SCUBE1: variants seen among roughly 807,000 people sequenced by gnomAD.
SCUBE1 encodes signal peptide, CUB and EGF-like domain-containing protein 1.
A neutral mutation model predicts 124.4 loss-of-function variants in SCUBE1; 59 were observed. The observed-to-expected ratio is 0.47, with a 90% CI of 0.38 to 0.59. The LOEUF (loss-of-function observed/expected upper bound fraction) is 0.59, where lower values mean the gene tolerates loss of function less well. Ranked by LOEUF, SCUBE1 falls within the 20% of genes least tolerant of loss-of-function variation. The pLI is 0.00. For synonymous variants in SCUBE1, 545 were observed against 550.9 expected, an observed-to-expected ratio of 0.99 and a Z score of 0.15; for missense variants, 1,150 against 1,371.2, an observed-to-expected ratio of 0.84 and a Z score of 2.55.
intron 4 of SCUBE1, chr22:43,283,322 A>G (rs146077340): frequency 6.6e-6 from 1 of 152,312 alleles, no homozygotes; most frequent in Non-Finnish European, 1.5e-5. Flanking sequence ...TCCTGCCACT[A>G]TTGGACACAC....
At chr22:43,212,039 C>T (rs892881296) in intron 17 of SCUBE1, among the ~76,000 whole-genome samples, 3 of 152,076 alleles carry the variant, frequency 2.0e-5, no homozygotes, top group African/African-American at 7.3e-5. Context: ...TGGGTGGGAC[C>T]AGATGCCCTG....
intron 9 of SCUBE1, 32 bp downstream of exon 9, chr22:43,229,040 G>A: frequency 6.6e-7 from 1 of 1,513,942 alleles, no homozygotes; most frequent in Non-Finnish European, 9.1e-7. Flanking sequence ...GTGCCTCGGG[G>A]GGGAGGTGGC....
chr22:43,269,354 C>T (rs1200305664), intron 4 of SCUBE1, among the ~76,000 whole-genome samples: 2 of 152,142 alleles, frequency 1.3e-5, no homozygotes, highest in African/African-American at 4.8e-5. Context: ...TGCCTGGCCC[C>T]GAGCCAGTGC....
chr22:43,261,910 G>A (rs1020244361), intron 5 of SCUBE1, among the ~76,000 whole-genome samples: 6 of 152,166 alleles, frequency 3.9e-5, no homozygotes, highest in Admixed American at 3.9e-4. Flanking sequence ...TCTCCCCCAC[G>A]TAGCTGTGGG....
chr22:43,268,999 C>T (rs1924185099), intron 4 of SCUBE1, among the ~76,000 whole-genome samples: 2 of 152,152 alleles, frequency 1.3e-5, no homozygotes. Context: ...TTAAGAGCTG[C>T]TTCTGAGTTT....
rs899035315 is a variant in SCUBE1 at position 43,310,091 on chromosome 22, C to T, written c.349+9846G>A. On this transcript the variant is annotated intron_variant, in intron 3 of 21. Coordinates refer to ENST00000360835, the MANE Select transcript of SCUBE1 (RefSeq NM_173050.5). ...CAGAATAAAATCCAAACCCCTTTCTCGAGACGATATGACCCTGCCTGACCC... is the reference window on the plus strand; with the variant it reads ...CAGAATAAAATCCAAACCCCTTTCTTGAGACGATATGACCCTGCCTGACCC... Among the ~76,000 whole-genome samples, 4 of 152,142 alleles carry T rather than the reference C, an allele frequency of 2.6e-5. No homozygotes were observed. The South Asian group carries it at 6.2e-4, about 24-fold the overall frequency.
chr22:43,283,440 G>A (rs1399308204), intron 4 of SCUBE1: 2 of 152,166 alleles, frequency 1.3e-5, no homozygotes, highest in African/African-American at 4.8e-5. Context: ...TCCATCTGAG[G>A]GTTCGAGGGG....
At chr22:43,214,046 C>CGGGGGGGGGGGGGGG in intron 16 of SCUBE1, 44 bp downstream of exon 16, 14 of 422,698 alleles carry the variant, frequency 3.3e-5, no homozygotes, top group Non-Finnish European at 5.8e-5. Context: ...GAGGAGCCCC[C>CGGGGGGGGGGGGGGG]GCCCACCCCC....
At chr22:43,273,328 C>T (rs73886551) in intron 4 of SCUBE1, among the ~76,000 whole-genome samples, 3,132 of 152,208 alleles carry the variant, frequency 0.021, 35 homozygotes, top group African/African-American at 0.039. Flanking sequence ...GTCCTGGCAC[C>T]GGGAACCCCT....
At chr22:43,212,376 C>A in intron 17 of SCUBE1, 49 bp downstream of exon 17, 1 of 1,535,674 alleles carries the variant, frequency 6.5e-7, no homozygotes, top group South Asian at 1.2e-5. Context: ...CGGAGCAGTG[C>A]AGCCCTGCCT....
chr22:43,265,415 C>T (rs755934810), intron 4 of SCUBE1, among the ~76,000 whole-genome samples: 1 of 152,224 alleles, frequency 6.6e-6, no homozygotes, highest in Non-Finnish European at 1.5e-5. Flanking sequence ...TATCTGTAGT[C>T]AGCTGGTCTC....
intron 13 of SCUBE1, 69 bp downstream of exon 13, chr22:43,221,104 C>T: frequency 7.8e-7 from 1 of 1,283,830 alleles, no homozygotes; most frequent in Non-Finnish European, 1.1e-6. Context: ...CCTGGGGCCC[C>T]AGCTCCCAGG....
At chr22:43,217,860 C>T (rs906665962) in intron 15 of SCUBE1, among the ~76,000 whole-genome samples, 1 of 152,302 alleles carries the variant, frequency 6.6e-6, no homozygotes, top group African/African-American at 2.4e-5. Flanking sequence ...CTCTGTCCCC[C>T]GACCCTGACT....
In SCUBE1 at chr22:43,272,136, G is replaced by T. The variant is rs190415721; in HGVS notation, c.485-9291C>A. Among the ~76,000 whole-genome samples the T allele has an allele frequency of 3.9e-5, 6 of 152,236 alleles. No homozygotes were observed. The East Asian group carries it at 9.7e-4, about 24-fold the overall frequency. On this transcript the variant is annotated intron_variant, in intron 4 of 21. Transcript: ENST00000360835. ...TCAAGGGAACTCTGCTCCTCTCGTC[G>T]TCCTTCTCACTGCCCCCTCTGCTTT...
chr22:43,207,977 C>T, intron 20 of SCUBE1, 95 bp downstream of exon 20: 2 of 1,406,590 alleles, frequency 1.4e-6, no homozygotes, highest in South Asian at 2.4e-5. Context: ...TGCCAGGTCG[C>T]AGCTCCCTGA....
At chr22:43,242,342 G>A (rs1001682426) in intron 6 of SCUBE1, among the ~76,000 whole-genome samples, 1 of 152,192 alleles carries the variant, frequency 6.6e-6, no homozygotes, top group Non-Finnish European at 1.5e-5. Context: ...AGGACCAGAG[G>A]CCACCCAGAC....
chr22:43,232,998 C>T (rs1375677249), intron 7 of SCUBE1, among the ~76,000 whole-genome samples: 1 of 152,254 alleles, frequency 6.6e-6, no homozygotes, highest in African/African-American at 2.4e-5. Context: ...TGGCCACCCC[C>T]TCCAGACTCT....
chr22:43,228,912 T>C (rs1408578522), intron 9 of SCUBE1, among the ~76,000 whole-genome samples, 160 bp downstream of exon 9: 1 of 152,242 alleles, frequency 6.6e-6, no homozygotes, highest in Non-Finnish European at 1.5e-5. Context: ...GCCTCACTTG[T>C]CCTTGGCTGA....
intron 19 of SCUBE1, among the ~76,000 whole-genome samples, chr22:43,209,164 C>T (rs1028102412): frequency 6.6e-6 from 1 of 152,202 alleles, no homozygotes; most frequent in African/African-American, 2.4e-5. Context: ...CCCAGGATAA[C>T]GCAACTCTGG....
Sources: gnomAD v4.1 joint callset for allele counts (sites outside exome capture counted in the v4.1 genomes callset) on GRCh38, gnomAD v4.1.1 for gene constraint, MANE v1.5 for transcripts, NCBI Gene and HGNC (gene_info 2026-07-23, HGNC 2026-07-21) for gene names.